Variants in ERG observed in about 807,000 individuals in gnomAD.
ERG encodes the protein transcriptional regulator ERG.
In ERG, 9 loss-of-function variants were observed where a neutral mutation model predicts 55.3. That is an observed-to-expected ratio of 0.16 (90% CI 0.10 to 0.28). The LOEUF (loss-of-function observed/expected upper bound fraction) is 0.28. ERG is among the 10% of genes least tolerant of loss of function. The probability of loss-of-function intolerance (pLI) is 1.00; values close to 1 mark genes in which losing one functional copy is unlikely to be tolerated. For synonymous variants in ERG, 223 were observed against 237.3 expected (o/e 0.94, Z 0.55); for missense variants, 434 against 631.6 (o/e 0.69, Z 3.35).
chr21:38,466,612 C>T (rs1569121487), intron 1 of ERG, among the ~76,000 whole-genome samples: 1 of 151,970 alleles, frequency 6.6e-6, no homozygotes, highest in Admixed American at 6.6e-5. Context: ...TAAAGAATGA[C>T]AGGTCTGGGA....
chr21:38,590,324 T>C (rs571721826), intron 1 of ERG, among the ~76,000 whole-genome samples: 95 of 151,932 alleles, frequency 6.3e-4, no homozygotes, highest in Non-Finnish European at 1.2e-3. Flanking sequence ...TAAGTGGGAA[T>C]GGGGAGGAGA....
chr21:38,464,077 GT>G (rs573459020), intron 1 of ERG, among the ~76,000 whole-genome samples: 20 of 148,564 alleles, frequency 1.3e-4, no homozygotes, highest in East Asian at 3.9e-4. Context: ...ATGGGTTCAT[GT>G]TTTTTTTTTA....
At chr21:38,566,663 T>C (rs1394831666) in intron 2 of ERG, among the ~76,000 whole-genome samples, 3 of 152,322 alleles carry the variant, frequency 2.0e-5, no homozygotes, top group African/African-American at 7.2e-5. Context: ...GACTAGGATA[T>C]TCACAGAAGC....
At chr21:38,618,049 A>G (rs1162130155) in intron 1 of ERG, among the ~76,000 whole-genome samples, 1 of 152,216 alleles carries the variant, frequency 6.6e-6, no homozygotes, top group African/African-American at 2.4e-5. Flanking sequence ...ATGGAGTACC[A>G]TTTACAACTT....
chr21:38,450,443 C>T (rs969877974), intron 1 of ERG, among the ~76,000 whole-genome samples: 9 of 152,148 alleles, frequency 5.9e-5, no homozygotes, highest in African/African-American at 2.2e-4. Context: ...GCTGCTATCA[C>T]AACACAGTGT....
chr21:38,582,299 A>AC (rs1262646770), intron 1 of ERG, among the ~76,000 whole-genome samples: 1 of 152,190 alleles, frequency 6.6e-6, no homozygotes, highest in African/African-American at 2.4e-5. Flanking sequence ...TGGCATCTGA[A>AC]GTGAGGACGG....
At chr21:38,644,876 C>A (rs1024068446) in intron 1 of ERG, among the ~76,000 whole-genome samples, 10 of 152,140 alleles carry the variant, frequency 6.6e-5, no homozygotes, top group Admixed American at 6.5e-5. Context: ...TTTCTAGAAT[C>A]CTACACTGGG....
At chr21:38,492,147 G>A (rs1198263850) in intron 1 of ERG, among the ~76,000 whole-genome samples, 1 of 152,208 alleles carries the variant, frequency 6.6e-6, no homozygotes, top group Non-Finnish European at 1.5e-5. Flanking sequence ...AAAGAGAAGG[G>A]AGACAGATTT....
chr21:38,550,922 A>G (rs2059820213), intron 2 of ERG, among the ~76,000 whole-genome samples: 1 of 152,256 alleles, frequency 6.6e-6, no homozygotes, highest in Non-Finnish European at 1.5e-5. Context: ...AACAGAATAG[A>G]TAATTTAAAA....
intron 1 of ERG, among the ~76,000 whole-genome samples, chr21:38,608,941 C>T (rs1295047407): frequency 6.6e-6 from 1 of 152,166 alleles, no homozygotes; most frequent in African/African-American, 2.4e-5. Flanking sequence ...AAATACTCAT[C>T]TGGATATACA....
chr21:38,573,381 T>G (rs201638944), intron 2 of ERG, among the ~76,000 whole-genome samples: 2 of 152,108 alleles, frequency 1.3e-5, no homozygotes, highest in East Asian at 1.9e-4. Context: ...CTGTCTCCTG[T>G]CTGCCCCTGG....
chr21:38,370,953 C>A, the ERG span, among the ~76,000 whole-genome samples: 1 of 151,302 alleles, frequency 6.6e-6, no homozygotes, highest in Non-Finnish European at 1.5e-5. Context: ...AATGTACTGC[C>A]GGATTTTTTT....
Position 38,460,395 on chromosome 21 carries a change from A to G in ERG, c.19-14774T>C. ...GTGTTGCACTAATATTTTCCATCTCATAAGGGTTCTGCAAAGAAAATTCTT... is the reference window on the plus strand; with the variant it reads ...GTGTTGCACTAATATTTTCCATCTCGTAAGGGTTCTGCAAAGAAAATTCTT... On this transcript the variant is annotated intron_variant, in intron 1 of 9. Coordinates refer to ENST00000288319, the MANE Select transcript of ERG (RefSeq NM_182918.4). The surrounding 1 kb of genome is among the most constrained non-coding windows in gnomAD (Gnocchi z 5.0). Among the ~76,000 whole-genome samples, 1 of 152,224 alleles carries G rather than the reference A, an allele frequency of 6.6e-6. No homozygotes were observed. The highest frequency in any genetic ancestry group is 1.5e-5 in the Non-Finnish European group (1 of 68,046).
At chr21:38,508,444 T>C (rs1304820055) in intron 2 of ERG, among the ~76,000 whole-genome samples, 3 of 152,188 alleles carry the variant, frequency 2.0e-5, no homozygotes, top group Non-Finnish European at 4.4e-5. Context: ...AATGAGTGGA[T>C]GAGTGGATGA....
At chr21:38,636,900 T>G (rs1345248642) in intron 1 of ERG, among the ~76,000 whole-genome samples, 1 of 152,128 alleles carries the variant, frequency 6.6e-6, no homozygotes, top group African/African-American at 2.4e-5. Context: ...TACAACAAAC[T>G]GTCAAAAAGG....
At chr21:38,411,727 G>T (rs1218575252) in intron 3 of ERG, among the ~76,000 whole-genome samples, 1 of 152,158 alleles carries the variant, frequency 6.6e-6, no homozygotes, top group Non-Finnish European at 1.5e-5. Context: ...TGGGAGTACA[G>T]AGTTCTAGAA....
chr21:38,388,568 C>T (rs935365433), intron 9 of ERG, among the ~76,000 whole-genome samples: 2 of 152,170 alleles, frequency 1.3e-5, no homozygotes, highest in East Asian at 3.8e-4. Context: ...AAAAGACATT[C>T]TGGTTTCAGG....
chr21:38,392,317 T>A, intron 7 of ERG, 59 bp downstream of exon 7: 1 of 1,332,950 alleles, frequency 7.5e-7, no homozygotes, highest in East Asian at 2.5e-5. Context: ...ATATACTCCA[T>A]CAACAGTCAT....
intron 2 of ERG, among the ~76,000 whole-genome samples, chr21:38,428,180 C>CAAA (rs60222976): frequency 4.1e-4 from 59 of 144,916 alleles, no homozygotes; most frequent in Middle Eastern, 3.5e-3. Flanking sequence ...AACCGTGTCT[C>CAAA]AAAAAAAAAA....
Sources: allele counts gnomAD v4.1 joint callset (sites outside exome capture counted in the v4.1 genomes callset), GRCh38; gene constraint gnomAD v4.1.1; non-coding constraint Gnocchi (gnomAD v3.1); transcripts MANE v1.5; gene names NCBI Gene and HGNC (gene_info 2026-07-23, HGNC 2026-07-21).